Variants in ZFAND3 observed in about 807,000 individuals in gnomAD.
The protein encoded by ZFAND3 is AN1-type zinc finger protein 3.
A neutral mutation model predicts 29.6 loss-of-function variants in ZFAND3; 10 were observed. The observed-to-expected ratio is 0.34, with a 90% confidence interval of 0.21 to 0.57. The LOEUF (loss-of-function observed/expected upper bound fraction) is 0.57, where lower values mean the gene tolerates loss of function less well. Among genes scored for constraint, ZFAND3 ranks in the 20% least tolerant of loss-of-function variants. The probability of loss-of-function intolerance (pLI) is 0.86; values close to 1 mark genes in which losing one functional copy is unlikely to be tolerated. For synonymous variants in ZFAND3, 128 were observed against 112.6 expected, an observed-to-expected ratio of 1.14 and a Z score of -0.87; for missense variants, 230 against 304.5, an observed-to-expected ratio of 0.76 and a Z score of 1.82.
intron 1 of ZFAND3, among the ~76,000 whole-genome samples, chr6:37,827,968 T>C (rs1443050063): frequency 1.3e-5 from 2 of 152,246 alleles, no homozygotes; most frequent in Admixed American, 1.3e-4. Context: ...AGTCATTACC[T>C]GGCAGAGTGA....
At chr6:38,083,137 T>C (rs1342096302) in intron 4 of ZFAND3, among the ~76,000 whole-genome samples, 2 of 152,170 alleles carry the variant, frequency 1.3e-5, no homozygotes, top group South Asian at 4.1e-4. Flanking sequence ...ATTATATTGT[T>C]TTTCTAAAGG....
chr6:38,139,907 C>A (rs140578441), intron 5 of ZFAND3, among the ~76,000 whole-genome samples: 3 of 152,150 alleles, frequency 2.0e-5, no homozygotes, highest in African/African-American at 4.8e-5. Context: ...AAGATTCTGG[C>A]GGCTTTGACT....
At chr6:37,837,463 T>C (rs9470716) in intron 1 of ZFAND3, among the ~76,000 whole-genome samples, 4,534 of 152,246 alleles carry the variant, frequency 0.03, 176 homozygotes, top group African/African-American at 0.086. Flanking sequence ...GCATTGGAAC[T>C]GTGTAATCAG....
intron 2 of ZFAND3, among the ~76,000 whole-genome samples, chr6:37,979,487 G>GGT (rs748957493): frequency 2.0e-5 from 3 of 152,112 alleles, no homozygotes; most frequent in Admixed American, 6.5e-5. Context: ...GTGCTTTTAT[G>GGT]GTGTGTGTGT....
At chr6:37,854,756 G>A (rs1384548325) in intron 1 of ZFAND3, among the ~76,000 whole-genome samples, 3 of 124,260 alleles carry the variant, frequency 2.4e-5, no homozygotes, top group African/African-American at 9.0e-5. Context: ...GACTACATAG[G>A]CTAAAATGCC....
chr6:37,837,559 C>T (rs911477870), intron 1 of ZFAND3, among the ~76,000 whole-genome samples: 2 of 149,704 alleles, frequency 1.3e-5, no homozygotes, highest in Admixed American at 6.7e-5. Context: ...GGCTGGAGTG[C>T]AATGGTGCAA....
chr6:37,913,859 G>A (rs1446235478), intron 1 of ZFAND3, among the ~76,000 whole-genome samples: 1 of 151,572 alleles, frequency 6.6e-6, no homozygotes, highest in Non-Finnish European at 1.5e-5. Flanking sequence ...TATAGGCACA[G>A]GCCACCATGC....
At chr6:37,969,365 T>A (rs1028712665) in intron 2 of ZFAND3, among the ~76,000 whole-genome samples, 2 of 152,208 alleles carry the variant, frequency 1.3e-5, no homozygotes, top group Non-Finnish European at 2.9e-5. Context: ...ATGCCGTAAG[T>A]CAAAAAGGTG....
chr6:37,907,404 G>T (rs1044700825), intron 1 of ZFAND3, among the ~76,000 whole-genome samples: 1 of 151,960 alleles, frequency 6.6e-6, no homozygotes, highest in African/African-American at 2.4e-5. Context: ...TTTTCTGTTC[G>T]CGCCCCTTGG....
intron 1 of ZFAND3, among the ~76,000 whole-genome samples, chr6:37,903,193 G>A (rs1326838315): frequency 1.3e-5 from 2 of 152,114 alleles, no homozygotes; most frequent in East Asian, 1.9e-4. Flanking sequence ...GGGTAGACTT[G>A]TATCAGAATT....
At chr6:37,877,433 C>T (rs981221823) in intron 1 of ZFAND3, among the ~76,000 whole-genome samples, 2 of 151,928 alleles carry the variant, frequency 1.3e-5, no homozygotes, top group East Asian at 1.9e-4. Context: ...GGAGTCCAGA[C>T]GAGATAATGG....
At chr6:37,965,873 C>T (rs1387227181) in intron 2 of ZFAND3, among the ~76,000 whole-genome samples, 2 of 152,140 alleles carry the variant, frequency 1.3e-5, no homozygotes, top group Non-Finnish European at 2.9e-5. Context: ...GGTAACCTTC[C>T]CACCTCAGCC....
chr6:37,837,546 C>G (rs1238098157), intron 1 of ZFAND3, among the ~76,000 whole-genome samples: 1 of 151,038 alleles, frequency 6.6e-6, no homozygotes, highest in Non-Finnish European at 1.5e-5. Flanking sequence ...CTCTTGTTGC[C>G]CAGGCTGGAG....
intron 1 of ZFAND3, among the ~76,000 whole-genome samples, chr6:37,854,728 A>G (rs1317604940): frequency 1.4e-5 from 2 of 146,852 alleles, no homozygotes; most frequent in East Asian, 2.0e-4. Flanking sequence ...TCTTAACTGT[A>G]TTATATTTTA....
intron 2 of ZFAND3, among the ~76,000 whole-genome samples, chr6:37,964,000 C>T (rs1172245720): frequency 6.6e-6 from 1 of 152,128 alleles, no homozygotes. Flanking sequence ...GGCTAGTGTT[C>T]CATATATTAT....
At chr6:37,829,286 AG>A (rs990245896) in intron 1 of ZFAND3, among the ~76,000 whole-genome samples, 5 of 150,680 alleles carry the variant, frequency 3.3e-5, no homozygotes, top group African/African-American at 1.2e-4. Context: ...CTGTAATCCC[AG>A]CACTTTGGGT....
chr6:38,106,838 A>G (rs1765220361), intron 4 of ZFAND3, among the ~76,000 whole-genome samples: 1 of 152,222 alleles, frequency 6.6e-6, no homozygotes, highest in South Asian at 2.1e-4. Context: ...AATGAATGAG[A>G]TATTGGCTGT....
At chr6:37,836,873 T>C (rs1246597834) in intron 1 of ZFAND3, among the ~76,000 whole-genome samples, 1 of 152,218 alleles carries the variant, frequency 6.6e-6, no homozygotes, top group Non-Finnish European at 1.5e-5. Flanking sequence ...TGTCTTGATA[T>C]TTGACTTAAT....
chr6:37,840,564 CATCAGCTTGTCAGCTTGTCAGCTTG>C (rs1764053770), intron 1 of ZFAND3, among the ~76,000 whole-genome samples: 2 of 152,156 alleles, frequency 1.3e-5, no homozygotes, highest in East Asian at 1.9e-4. Context: ...ATATGAATTT[CATCAGCTTGTCAGCTTGTCAGCTTG>C]ATCAGCTTGT....
Sources: allele counts gnomAD v4.1 joint callset (sites outside exome capture counted in the v4.1 genomes callset), GRCh38; gene constraint gnomAD v4.1.1; transcripts MANE v1.5; gene names NCBI Gene and HGNC (gene_info 2026-07-23, HGNC 2026-07-21).